The following EEIG1 variants were observed in gnomAD, a reference collection of about 807,000 sequenced individuals.
EEIG1 encodes estrogen-induced osteoclastogenesis regulator 1, also known as early estrogen-induced gene 1 protein.
chr9:127,944,233 G>A, the EEIG1 span: 1 of 305,498 alleles, frequency 3.3e-6, no homozygotes, highest in Admixed American at 4.8e-5. Flanking sequence ...GATTTGTTCA[G>A]TAAACCCATG....
chr9:127,945,232 G>T, the EEIG1 span: 2 of 755,854 alleles, frequency 2.6e-6, no homozygotes, highest in Non-Finnish European at 4.2e-6. The surrounding 1 kb of genome is among the most constrained non-coding windows in gnomAD (Gnocchi z 6.5). Flanking sequence ...AGGGCCATCA[G>T]CTAGTGGAAT....
the EEIG1 span, chr9:127,953,967 C>G: frequency 1.2e-6 from 2 of 1,610,070 alleles, no homozygotes; most frequent in South Asian, 2.2e-5. Flanking sequence ...CACACACATC[C>G]GCGCCAGGGG....
chr9:127,969,407 C>T, the EEIG1 span, among the ~76,000 whole-genome samples: 1 of 152,202 alleles, frequency 6.6e-6, no homozygotes, highest in African/African-American at 2.4e-5. Context: ...TTTCTGCTCT[C>T]ACCCCTAGGG....
chr9:127,950,543 G>T, the EEIG1 span: 1 of 1,613,556 alleles, frequency 6.2e-7, no homozygotes. Context: ...AGCCCAGCTA[G>T]GAGGTGAGAG....
the EEIG1 span, among the ~76,000 whole-genome samples, chr9:127,966,560 G>A: frequency 6.6e-6 from 1 of 152,114 alleles, no homozygotes; most frequent in South Asian, 2.1e-4. Flanking sequence ...CAGATGCCTT[G>A]AGCTACTGCC....
At chr9:127,978,026 C>T in the EEIG1 span, among the ~76,000 whole-genome samples, 4 of 152,206 alleles carry the variant, frequency 2.6e-5, no homozygotes, top group Non-Finnish European at 5.9e-5. Flanking sequence ...TCTGAAACCT[C>T]AGACTGCTGT....
the EEIG1 span, among the ~76,000 whole-genome samples, chr9:127,956,489 C>T: frequency 3.9e-4 from 59 of 152,292 alleles, 2 homozygotes; most frequent in Admixed American, 3.9e-3. Context: ...CAGCTCACTG[C>T]AACCTCTGCC....
chr9:127,970,600 C>T, the EEIG1 span, among the ~76,000 whole-genome samples: 1 of 152,264 alleles, frequency 6.6e-6, no homozygotes, highest in African/African-American at 2.4e-5. Flanking sequence ...CAGTCACCTG[C>T]CCTTCTGCAA....
chr9:127,973,321 A>G, the EEIG1 span, among the ~76,000 whole-genome samples: 1 of 152,148 alleles, frequency 6.6e-6, no homozygotes, highest in African/African-American at 2.4e-5. The surrounding 1 kb of genome is among the most constrained non-coding windows in gnomAD (Gnocchi z 4.2). Flanking sequence ...GGTACTGAAC[A>G]AGCAGGGTTC....
the EEIG1 span, chr9:127,948,203 T>C: frequency 5.6e-6 from 9 of 1,613,924 alleles, no homozygotes; most frequent in Admixed American, 1.5e-4. Flanking sequence ...GGGATGGAGA[T>C]GGACTTGGCA....
chr9:127,950,463 T>C, the EEIG1 span: 2 of 1,613,992 alleles, frequency 1.2e-6, no homozygotes, highest in Non-Finnish European at 1.7e-6. Context: ...CTTCGTGTCA[T>C]ATCCCTCGAG....
chr9:127,979,534 TC>T, the EEIG1 span, among the ~76,000 whole-genome samples: 1 of 152,054 alleles, frequency 6.6e-6, no homozygotes, highest in Non-Finnish European at 1.5e-5. Context: ...TCCAGCCACC[TC>T]CCTCCAGCCA....
the EEIG1 span, chr9:127,953,869 T>G: frequency 1.2e-6 from 2 of 1,614,014 alleles, no homozygotes; most frequent in Non-Finnish European, 1.7e-6. Context: ...AGCACTCATC[T>G]TACACACGAA....
chr9:127,976,433 G>A, the EEIG1 span, among the ~76,000 whole-genome samples: 10 of 152,228 alleles, frequency 6.6e-5, no homozygotes, highest in African/African-American at 1.9e-4. This position sits in a 1 kb window ranked among gnomAD's most constrained non-coding sequence, Gnocchi z 4.1. Flanking sequence ...TTTATAGAAC[G>A]ATAAAAGTGT....
the EEIG1 span, chr9:127,943,555 G>A: frequency 1.6e-5 from 6 of 386,338 alleles, no homozygotes; most frequent in Admixed American, 4.1e-5. Context: ...TCAGAGGGAT[G>A]TGAGGGTGAC....
chr9:127,957,516 T>C, the EEIG1 span, among the ~76,000 whole-genome samples: 1 of 152,170 alleles, frequency 6.6e-6, no homozygotes, highest in Non-Finnish European at 1.5e-5. Flanking sequence ...GACATGTTGT[T>C]AAGATGATAC....
At chr9:127,961,351 C>A in the EEIG1 span, among the ~76,000 whole-genome samples, 1 of 152,088 alleles carries the variant, frequency 6.6e-6, no homozygotes. Context: ...CAGGCTCAGG[C>A]AGGGTGGGGT....
the EEIG1 span, among the ~76,000 whole-genome samples, chr9:127,979,534 T>G: frequency 6.6e-6 from 1 of 152,054 alleles, no homozygotes; most frequent in Non-Finnish European, 1.5e-5. Flanking sequence ...TCCAGCCACC[T>G]CCCTCCAGCC....
the EEIG1 span, among the ~76,000 whole-genome samples, chr9:127,947,477 C>A: frequency 1.3e-5 from 2 of 152,140 alleles, no homozygotes; most frequent in African/African-American, 2.4e-5. Context: ...AAGTGCTTAC[C>A]ATGTGCTGGG....
Sources: allele counts gnomAD v4.1 joint callset (sites outside exome capture counted in the v4.1 genomes callset), GRCh38; gene constraint gnomAD v4.1.1; non-coding constraint Gnocchi (gnomAD v3.1); transcripts MANE v1.5; gene names NCBI Gene and HGNC (gene_info 2026-07-23, HGNC 2026-07-21).